Variants in ERBB4 observed in about 807,000 individuals in gnomAD.
ERBB4 encodes erb-b2 receptor tyrosine kinase 4, also known as receptor tyrosine-protein kinase erbB-4.
Under a neutral mutation model 158.0 loss-of-function variants are expected in ERBB4, and 42 were observed. That is an observed-to-expected ratio of 0.27 (90% CI 0.21 to 0.34). The LOEUF is 0.34. Ranked by LOEUF, ERBB4 falls within the 10% of genes least tolerant of loss-of-function variation. ERBB4 has a pLI of 1.00. For missense variants in ERBB4, 1,333 were observed against 1,624.1 expected (o/e 0.82, Z 3.08); for synonymous variants, 583 against 558.7 (o/e 1.04, Z -0.61).
At chr2:211,584,672 A>G (rs1035367609) in intron 19 of ERBB4, among the ~76,000 whole-genome samples, 1 of 152,084 alleles carries the variant, frequency 6.6e-6, no homozygotes, top group African/African-American at 2.4e-5. Flanking sequence ...AATAAGAAAC[A>G]CAAATGAGGT....
intron 2 of ERBB4, among the ~76,000 whole-genome samples, chr2:212,111,400 C>T (rs2079401637): frequency 6.6e-6 from 1 of 152,200 alleles, no homozygotes; most frequent in African/African-American, 2.4e-5. Flanking sequence ...GGATTTGTTA[C>T]AGCTTATTAG....
At chr2:212,186,477 A>G (rs1204900489) in intron 1 of ERBB4, among the ~76,000 whole-genome samples, 1 of 152,314 alleles carries the variant, frequency 6.6e-6, no homozygotes, top group East Asian at 1.9e-4. Context: ...AAAACACTCA[A>G]TCAAGTGTAG....
chr2:212,146,996 T>TC (rs2080697965), intron 1 of ERBB4, among the ~76,000 whole-genome samples: 1 of 136,040 alleles, frequency 7.4e-6, no homozygotes, highest in African/African-American at 2.8e-5. Flanking sequence ...CTTTTTTTTT[T>TC]TTTTTTTTTT....
In ERBB4 at chr2:211,505,959, C is replaced by CAAA. The variant is rs529052924; in HGVS notation, c.2487+55941_2487+55943dup. Among the ~76,000 whole-genome samples, 516 of 94,710 alleles carry CAAA rather than the reference C, an allele frequency of 5.4e-3. 14 individuals are homozygous for CAAA. The highest frequency in any genetic ancestry group is 0.017 in the African/African-American group (470 of 27,962). The allele number at this position is 94,710 out of a possible 152,430, so 62.1% of individuals were successfully genotyped here. ...TGGGCGATAGAGCGAGACTCCATCT[C>CAAA]AAAAAAAAAAAAAAAAAGTTATAGA... On this transcript the variant is annotated intron_variant, in intron 20 of 27. Transcript: ENST00000342788.
chr2:211,593,270 T>C (rs1390584880), intron 19 of ERBB4, among the ~76,000 whole-genome samples: 4 of 152,274 alleles, frequency 2.6e-5, no homozygotes, highest in African/African-American at 7.2e-5. Flanking sequence ...GGGCTCTGAG[T>C]GAAGCCAAGA....
At chr2:211,388,239 C>T (rs2062728411) in intron 25 of ERBB4, among the ~76,000 whole-genome samples, 1 of 151,954 alleles carries the variant, frequency 6.6e-6, no homozygotes, top group Non-Finnish European at 1.5e-5. Flanking sequence ...ACAGAAAAAG[C>T]AAAATTTTTC....
At chr2:211,951,913 C>G (rs2080885232) in intron 2 of ERBB4, among the ~76,000 whole-genome samples, 1 of 151,986 alleles carries the variant, frequency 6.6e-6, no homozygotes, top group Non-Finnish European at 1.5e-5. Flanking sequence ...TAAGTTGGTC[C>G]ATAGTAAATT....
In ERBB4 at chr2:211,381,188, C is replaced by A. The variant is rs931428542; in HGVS notation, c.*2427G>T. On this transcript the variant is annotated 3_prime_UTR_variant, in exon 28 of 28. Transcript: ENST00000342788. ...CTTCACTAGAAGGAATCTCACAAACCCTTCTCCTGCTCTACCATACTTTTT... is the reference window on the plus strand; with the variant it reads ...CTTCACTAGAAGGAATCTCACAAACACTTCTCCTGCTCTACCATACTTTTT... 7.3e-5 allele frequency: 17 copies of A among 232,226 alleles called. No homozygotes were observed. The highest frequency in any genetic ancestry group is 5.4e-4 in the South Asian group (3 of 5,518). 14.4% of individuals were successfully genotyped at this position (232,226 alleles called of 1,614,324 possible).
At chr2:211,741,396 T>C (rs2074790394) in intron 5 of ERBB4, among the ~76,000 whole-genome samples, 2 of 151,584 alleles carry the variant, frequency 1.3e-5, no homozygotes, top group South Asian at 4.2e-4. Context: ...CCCCACAGTT[T>C]CCATTCTCTC....
At chr2:211,663,455 G>C (rs2071507878) in intron 15 of ERBB4, among the ~76,000 whole-genome samples, 2 of 152,018 alleles carry the variant, frequency 1.3e-5, no homozygotes, top group Admixed American at 6.6e-5. Flanking sequence ...CTGTTCACTT[G>C]GAGTTCCCAA....
chr2:212,091,093 G>A (rs911411108), intron 2 of ERBB4, among the ~76,000 whole-genome samples: 17 of 151,818 alleles, frequency 1.1e-4, no homozygotes, highest in African/African-American at 3.9e-4. Flanking sequence ...CTGACTTTCT[G>A]TATACAAAAT....
intron 3 of ERBB4, among the ~76,000 whole-genome samples, chr2:211,931,318 A>G (rs1020014545): frequency 5.3e-5 from 8 of 152,156 alleles, no homozygotes; most frequent in African/African-American, 1.9e-4. Flanking sequence ...TACTATTATT[A>G]TAGCACGTTG....
chr2:211,629,660 C>T lies in ERBB4; in HGVS notation c.2079+802G>A, dbSNP rs574467826. On this transcript the variant is annotated intron_variant, in intron 17 of 27. Coordinates refer to ENST00000342788, the MANE Select transcript of ERBB4 (RefSeq NM_005235.3). ...GACTTCAAACTACACTACAAGGCTG[C>T]GGTAACCCAAACAGCATGGTACTGG... Among the ~76,000 whole-genome samples, 6 of 152,266 alleles carry T rather than the reference C, an allele frequency of 3.9e-5. No individual in the cohort carries two copies. In the South Asian group the frequency reaches 6.2e-4, roughly 16 times the overall value.
chr2:211,606,494 A>G (rs1200226497), intron 19 of ERBB4, among the ~76,000 whole-genome samples: 1 of 152,044 alleles, frequency 6.6e-6, no homozygotes, highest in Non-Finnish European at 1.5e-5. Flanking sequence ...TGAATTACCA[A>G]GTAGAAGAGT....
At chr2:212,121,127 C>A (rs2125562032) in intron 2 of ERBB4, among the ~76,000 whole-genome samples, 1 of 152,250 alleles carries the variant, frequency 6.6e-6, no homozygotes, top group South Asian at 2.1e-4. Context: ...AAGATTTTGG[C>A]AAATAGTCTC....
intron 13 of ERBB4, among the ~76,000 whole-genome samples, chr2:211,676,335 GTTAAT>G (rs1461106929): frequency 6.6e-6 from 1 of 152,086 alleles, no homozygotes; most frequent in Non-Finnish European, 1.5e-5. Flanking sequence ...TAAAAACTAA[GTTAAT>G]TTAACAGATT....
rs866872455 is a variant in ERBB4, at chr2:212,088,699, G to T, written c.234+36053C>A. Among the ~76,000 whole-genome samples, 7 of 152,214 alleles carry T rather than the reference G, an allele frequency of 4.6e-5. No individual in the cohort carries two copies. The South Asian group carries it at 6.2e-4, about 14-fold the overall frequency. ...ATATGGTGGTTATGACCAGGAACTT[G>T]AGAATCTAACAAGTGAAAAGACACA... On this transcript the variant is annotated intron_variant, in intron 2 of 27. Transcript: ENST00000342788.
At chr2:211,767,256 C>T (rs2075574236) in intron 4 of ERBB4, among the ~76,000 whole-genome samples, 1 of 152,136 alleles carries the variant, frequency 6.6e-6, no homozygotes, top group Non-Finnish European at 1.5e-5. Context: ...CATAATTACT[C>T]TCACCCATTA....
intron 20 of ERBB4, among the ~76,000 whole-genome samples, chr2:211,434,968 G>A (rs1249926307): frequency 6.6e-6 from 1 of 152,096 alleles, no homozygotes; most frequent in Non-Finnish European, 1.5e-5. Context: ...AATCATCTAT[G>A]GATTGCTCAA....
Sources: allele counts gnomAD v4.1 joint callset (sites outside exome capture counted in the v4.1 genomes callset), GRCh38; gene constraint gnomAD v4.1.1; transcripts MANE v1.5; gene names NCBI Gene and HGNC (gene_info 2026-07-23, HGNC 2026-07-21).